Variants in PIP5K1B observed in about 807,000 individuals in gnomAD.
The protein encoded by PIP5K1B is phosphatidylinositol-4-phosphate 5-kinase type 1 beta, also known as phosphatidylinositol 4-phosphate 5-kinase type-1 beta.
Under a neutral mutation model 67.0 loss-of-function variants are expected in PIP5K1B, and 42 were observed. The ratio of observed to expected loss-of-function variants is 0.63; its 90% CI spans 0.49 to 0.81. PIP5K1B has a LOEUF of 0.81. Among genes scored for constraint, PIP5K1B ranks in the 30% least tolerant of loss-of-function variants. PIP5K1B has a pLI of 0.00. For missense variants in PIP5K1B, 459 were observed against 646.3 expected, an observed-to-expected ratio of 0.71 and a Z score of 3.14; for synonymous variants, 214 against 231.4, an observed-to-expected ratio of 0.92 and a Z score of 0.68.
chr9:68,749,940 A>G (rs966405197), intron 2 of PIP5K1B, among the ~76,000 whole-genome samples: 2 of 152,222 alleles, frequency 1.3e-5, no homozygotes, highest in Non-Finnish European at 2.9e-5. Flanking sequence ...CTCCATCACT[A>G]AGTAGCTGTG....
chr9:68,791,286 A>T (rs1452216711), intron 2 of PIP5K1B, among the ~76,000 whole-genome samples: 1 of 152,234 alleles, frequency 6.6e-6, no homozygotes, highest in Non-Finnish European at 1.5e-5. Context: ...GGATTATCAG[A>T]ACTTGGGAGT....
intron 2 of PIP5K1B, among the ~76,000 whole-genome samples, chr9:68,816,425 A>C (rs1431269657): frequency 6.6e-6 from 1 of 152,162 alleles, no homozygotes; most frequent in Non-Finnish European, 1.5e-5. Context: ...CACTGCACCC[A>C]GCCCAATCAA....
intron 8 of PIP5K1B, among the ~76,000 whole-genome samples, chr9:68,898,455 TG>T: frequency 6.6e-6 from 1 of 152,182 alleles, no homozygotes; most frequent in East Asian, 1.9e-4. Context: ...GAAAGAGTGG[TG>T]ACATTGAGTA....
chr9:68,967,592 G>A (rs1319304131), intron 14 of PIP5K1B, among the ~76,000 whole-genome samples: 3 of 152,156 alleles, frequency 2.0e-5, no homozygotes, highest in Non-Finnish European at 4.4e-5. Flanking sequence ...CATTCATTGA[G>A]TAATATTTAT....
intron 8 of PIP5K1B, among the ~76,000 whole-genome samples, chr9:68,898,621 C>T (rs1025136787): frequency 3.9e-5 from 6 of 152,202 alleles, no homozygotes; most frequent in East Asian, 1.9e-4. Context: ...GCCAGGCCTG[C>T]ACCTCTTCTA....
chr9:68,916,958 T>A lies in PIP5K1B; in HGVS notation c.772-590T>A, dbSNP rs137881655. ...GAACAGAATTCAGACATAGAAAAGA[T>A]ACATTCAGCTAGAAAAGATACATTC... On this transcript the variant is annotated intron_variant, in intron 8 of 15. Coordinates refer to ENST00000265382, the MANE Select transcript of PIP5K1B (RefSeq NM_003558.4). 8.2e-3 allele frequency among the ~76,000 whole-genome samples: 1,253 copies of A among 152,228 alleles called. 5 individuals are homozygous for A. Among genetic ancestry groups the A allele is most frequent in the Middle Eastern group, 0.014 (4 of 292 alleles).
intron 4 of PIP5K1B, among the ~76,000 whole-genome samples, chr9:68,833,781 A>G (rs12552395): frequency 0.022 from 3,316 of 152,322 alleles, 49 homozygotes; most frequent in Middle Eastern, 0.041. Flanking sequence ...GATTGATCCC[A>G]GGATTCTAAT....
chr9:68,956,637 A>G (rs1828406997), intron 14 of PIP5K1B, among the ~76,000 whole-genome samples: 2 of 152,200 alleles, frequency 1.3e-5, no homozygotes, highest in African/African-American at 4.8e-5. Flanking sequence ...TTTTTTGCAT[A>G]TTCATATGTT....
intron 4 of PIP5K1B, among the ~76,000 whole-genome samples, chr9:68,831,842 A>AT (rs910610745): frequency 6.6e-6 from 1 of 151,718 alleles, no homozygotes; most frequent in Non-Finnish European, 1.5e-5. Context: ...CGCCCAGCTA[A>AT]TTTTTTTTAT....
intron 2 of PIP5K1B, among the ~76,000 whole-genome samples, chr9:68,793,084 T>TGTATGTGTATACACATATAGG (rs1832078621): frequency 6.6e-6 from 1 of 151,806 alleles, no homozygotes; most frequent in Non-Finnish European, 1.5e-5. Context: ...TGTGTATGTG[T>TGTATGTGTATACACATATAGG]GTATGTGTAT....
At chr9:68,828,102 A>T (rs561303561) in intron 4 of PIP5K1B, among the ~76,000 whole-genome samples, 30 of 152,280 alleles carry the variant, frequency 2.0e-4, no homozygotes, top group African/African-American at 7.0e-4. Flanking sequence ...GTGTTTCCCA[A>T]CACCAGGGCC....
At chr9:68,990,609 A>G (rs1484164422) in intron 14 of PIP5K1B, among the ~76,000 whole-genome samples, 4 of 149,726 alleles carry the variant, frequency 2.7e-5, no homozygotes, top group African/African-American at 9.9e-5. Context: ...CCCAAATGCA[A>G]TGAGGTATCT....
intron 4 of PIP5K1B, among the ~76,000 whole-genome samples, chr9:68,854,583 C>T (rs1322277108): frequency 6.6e-6 from 1 of 152,166 alleles, no homozygotes. Flanking sequence ...AAAGCACAAT[C>T]ATTACATAGG....
At chr9:68,753,197 A>AT (rs1829722776) in intron 2 of PIP5K1B, among the ~76,000 whole-genome samples, 1 of 150,516 alleles carries the variant, frequency 6.6e-6, no homozygotes, top group African/African-American at 2.4e-5. Flanking sequence ...TTTTTTTAAC[A>AT]TTTTAAAGAA....
At chr9:68,736,854 A>G (rs1449460434) in intron 1 of PIP5K1B, among the ~76,000 whole-genome samples, 1 of 152,218 alleles carries the variant, frequency 6.6e-6, no homozygotes, top group African/African-American at 2.4e-5. Context: ...GTAAAGTAGT[A>G]TATTCACAAG....
At chr9:68,953,158 C>A (rs1828183332) in intron 14 of PIP5K1B, among the ~76,000 whole-genome samples, 1 of 151,946 alleles carries the variant, frequency 6.6e-6, no homozygotes, top group Non-Finnish European at 1.5e-5. Context: ...TGTCTTCAGT[C>A]CCATCTATTT....
intron 5 of PIP5K1B, among the ~76,000 whole-genome samples, chr9:68,871,878 C>T (rs10869442): frequency 0.48 from 71,883 of 151,138 alleles, 17,233 homozygotes; most frequent in Middle Eastern, 0.52. Flanking sequence ...CTTCAACTTA[C>T]GCCAAGACAA....
intron 2 of PIP5K1B, chr9:68,781,103 C>G: frequency 6.6e-7 from 1 of 1,506,834 alleles, no homozygotes; most frequent in South Asian, 1.3e-5. Flanking sequence ...TGAACTTTGT[C>G]AATTAATTTG....
intron 15 of PIP5K1B, among the ~76,000 whole-genome samples, chr9:68,991,942 C>A (rs565981919): frequency 6.6e-6 from 1 of 151,884 alleles, no homozygotes; most frequent in Admixed American, 6.6e-5. Context: ...ATGTATGCTA[C>A]GTCTTTGTAT....
Sources: allele counts gnomAD v4.1 joint callset (sites outside exome capture counted in the v4.1 genomes callset), GRCh38; gene constraint gnomAD v4.1.1; transcripts MANE v1.5; gene names NCBI Gene and HGNC (gene_info 2026-07-23, HGNC 2026-07-21).